FAM13A: variants seen among roughly 807,000 people sequenced by gnomAD.
FAM13A encodes family with sequence similarity 13 member A.
A neutral mutation model predicts 129.6 loss-of-function variants in FAM13A; 76 were observed. The observed-to-expected ratio is 0.59, with a 90% CI of 0.49 to 0.71. The LOEUF is 0.71. Among genes scored for constraint, FAM13A ranks in the 30% least tolerant of loss-of-function variants. FAM13A has a pLI of 0.00. For missense variants in FAM13A, 1,108 were observed against 1,249.3 expected (o/e 0.89, Z 1.70); for synonymous variants, 443 against 449.9 (o/e 0.98, Z 0.20).
intron 5 of FAM13A, among the ~76,000 whole-genome samples, chr4:88,913,192 AGAGGAAGAGGAAGAAGAACAG>A (rs1258417244): frequency 7.9e-6 from 1 of 126,390 alleles, no homozygotes; most frequent in African/African-American, 3.1e-5. Flanking sequence ...TGGAGGAGGA[AGAGGAAGAGGAAGAAGAACAG>A]GAGGAAGAGG....
intron 7 of FAM13A, chr4:88,822,960 A>T (rs1413625914): frequency 6.2e-7 from 1 of 1,611,856 alleles, no homozygotes; most frequent in Admixed American, 1.7e-5. Flanking sequence ...AATAAAATAA[A>T]ATAGGAAAAT....
rs541062106 is a variant in FAM13A at position 89,028,596 on chromosome 4, A to C, written c.217+864T>G. Reference sequence around the variant, plus strand: ...GTCCCAGCTACTCGCGAGGCTAAGAAAGGAAGATCACTTGAGCCCTGAAGT... The same window carrying C: ...GTCCCAGCTACTCGCGAGGCTAAGACAGGAAGATCACTTGAGCCCTGAAGT... On this transcript the variant is annotated intron_variant, in intron 2 of 23. Coordinates refer to ENST00000264344, the MANE Select transcript of FAM13A (RefSeq NM_014883.4). 8.5e-5 allele frequency among the ~76,000 whole-genome samples: 13 copies of C among 152,208 alleles called. No individual in the cohort carries two copies. The South Asian group carries it at 2.7e-3, about 32-fold the overall frequency.
At chr4:88,904,895 T>A (rs1382100693) in intron 6 of FAM13A, among the ~76,000 whole-genome samples, 1 of 152,218 alleles carries the variant, frequency 6.6e-6, no homozygotes, top group African/African-American at 2.4e-5. Flanking sequence ...TGCTATCATA[T>A]CTATAATAGT....
intron 4 of FAM13A, chr4:88,990,357 A>G (rs542207477): frequency 1.3e-5 from 2 of 152,322 alleles, no homozygotes; most frequent in South Asian, 2.1e-4. Context: ...AATGTATTTG[A>G]TATCAGAGGT....
chr4:88,948,502 T>A (rs1756329589), intron 4 of FAM13A, among the ~76,000 whole-genome samples: 1 of 151,948 alleles, frequency 6.6e-6, no homozygotes, highest in African/African-American at 2.4e-5. Context: ...TCTTTTTTTT[T>A]TTTTGAGACA....
chr4:88,851,855 C>A (rs1249778935), intron 6 of FAM13A, among the ~76,000 whole-genome samples: 1 of 152,044 alleles, frequency 6.6e-6, no homozygotes, highest in Admixed American at 6.6e-5. Context: ...TTCCCTCTAG[C>A]CACCAAAATA....
chr4:88,906,774 C>T (rs1252545435), intron 5 of FAM13A, among the ~76,000 whole-genome samples: 3 of 152,210 alleles, frequency 2.0e-5, no homozygotes, highest in African/African-American at 7.2e-5. Context: ...AGACAGCTTG[C>T]TCTTCTTTTG....
chr4:88,924,871 A>G (rs1475428416), intron 5 of FAM13A, among the ~76,000 whole-genome samples: 2 of 151,604 alleles, frequency 1.3e-5, no homozygotes, highest in African/African-American at 4.9e-5. Context: ...AAAAACAAAC[A>G]ACCCCATCAA....
chr4:89,041,027 T>C (rs1266788093), intron 1 of FAM13A, among the ~76,000 whole-genome samples: 2 of 152,208 alleles, frequency 1.3e-5, no homozygotes, highest in African/African-American at 4.8e-5. Context: ...AGACCCACTC[T>C]TGGACCCCTG....
chr4:88,827,153 A>T (rs1039904433), intron 7 of FAM13A, among the ~76,000 whole-genome samples: 1 of 152,138 alleles, frequency 6.6e-6, no homozygotes, highest in Admixed American at 6.5e-5. Flanking sequence ...GCCTTTTCTT[A>T]GATCCTCTCC....
rs183366496 is a variant in FAM13A at position 88,988,114 on chromosome 4, T to C, written c.605+2859A>G. Reference sequence around the variant, plus strand: ...ACCTATGTAACAAACTTGCACATCCTGCACATGTATCCAGGAACTTAACAT... The same window carrying C: ...ACCTATGTAACAAACTTGCACATCCCGCACATGTATCCAGGAACTTAACAT... On this transcript the variant is annotated intron_variant, in intron 4 of 23. Coordinates refer to ENST00000264344, the MANE Select transcript of FAM13A (RefSeq NM_014883.4). Among the ~76,000 whole-genome samples the C allele has an allele frequency of 8.0e-4, 122 of 152,268 alleles. 1 individual carries two copies. The highest frequency in any genetic ancestry group is 1.8e-3 in the Admixed American group (27 of 15,296).
intron 6 of FAM13A, among the ~76,000 whole-genome samples, chr4:88,879,445 GGTTAA>G (rs758101743): frequency 6.6e-6 from 1 of 151,950 alleles, no homozygotes; most frequent in East Asian, 1.9e-4. Context: ...GCACAATCTT[GGTTAA>G]GTTAACTAGT....
In FAM13A at chr4:89,000,312, C is replaced by T. The variant is rs951152973; in HGVS notation, c.428-9162G>A. Among the ~76,000 whole-genome samples the T allele has an allele frequency of 1.1e-4, 17 of 152,042 alleles. No homozygotes were observed. In the South Asian group the frequency reaches 1.2e-3, roughly 11 times the overall value. On this transcript the variant is annotated intron_variant, in intron 3 of 23. Coordinates refer to ENST00000264344, the MANE Select transcript of FAM13A (RefSeq NM_014883.4). ...CAACATGAATGGATAAGTAAAATAT[C>T]GTATATTCATACTATAGAATATTAA...
chr4:88,855,904 T>G (rs1345122958), intron 6 of FAM13A: 1 of 152,200 alleles, frequency 6.6e-6, no homozygotes. Context: ...TTATCTGCCA[T>G]GCTAAGTGGA....
intron 7 of FAM13A, among the ~76,000 whole-genome samples, chr4:88,813,237 C>G (rs1325398085): frequency 6.6e-6 from 1 of 152,094 alleles, no homozygotes; most frequent in Non-Finnish European, 1.5e-5. Flanking sequence ...TTTCACTTCA[C>G]GCCAAACACA....
At chr4:89,055,228 AT>A (rs1250682982) in intron 1 of FAM13A, among the ~76,000 whole-genome samples, 2 of 152,030 alleles carry the variant, frequency 1.3e-5, no homozygotes, top group Non-Finnish European at 2.9e-5. Context: ...GATGTTTAAA[AT>A]TTTTTTTGTT....
chr4:88,750,022 C>G, intron 15 of FAM13A, 113 bp from the exon 16 acceptor site: 1 of 1,057,672 alleles, frequency 9.5e-7, no homozygotes, highest in East Asian at 2.5e-5. Context: ...GGGGGCAGTG[C>G]GGAGACAAAA....
chr4:88,864,964 C>A (rs1473063297), intron 6 of FAM13A, among the ~76,000 whole-genome samples: 8 of 152,038 alleles, frequency 5.3e-5, no homozygotes, highest in Non-Finnish European at 1.2e-4. Flanking sequence ...AAGGAGTAAT[C>A]AACAACTTGT....
At chr4:88,806,751 G>T (rs142108304) in intron 7 of FAM13A, among the ~76,000 whole-genome samples, 92 of 152,228 alleles carry the variant, frequency 6.0e-4, no homozygotes, top group African/African-American at 1.9e-3. Flanking sequence ...TAGGTTGCAG[G>T]GTTGAAGAGT....
Sources: allele counts gnomAD v4.1 joint callset (sites outside exome capture counted in the v4.1 genomes callset), GRCh38; gene constraint gnomAD v4.1.1; transcripts MANE v1.5; gene names NCBI Gene and HGNC (gene_info 2026-07-23, HGNC 2026-07-21).